The following SSBP2 variants were observed in gnomAD, a reference collection of about 807,000 sequenced individuals.
SSBP2 encodes single stranded DNA binding protein 2.
In SSBP2, 17 loss-of-function variants were observed where a neutral mutation model predicts 61.8. The observed-to-expected ratio is 0.28, with a 90% CI of 0.19 to 0.41. The LOEUF (loss-of-function observed/expected upper bound fraction) is 0.41, where lower values mean the gene tolerates loss of function less well. SSBP2 is among the 10% of genes least tolerant of loss of function. SSBP2 has a pLI of 1.00. For synonymous variants in SSBP2, 139 were observed against 141.3 expected (o/e 0.98, Z 0.12); for missense variants, 310 against 458.7 (o/e 0.68, Z 2.96).
At position 81,751,097 on chromosome 5, in the gene SSBP2, C is replaced by T. The variant is rs1251737200; in HGVS notation, c.-55G>A. The T allele has an allele frequency of 1.3e-6, 2 of 1,538,154 alleles. No homozygotes were observed. Among genetic ancestry groups the T allele is most frequent in the Non-Finnish European group, 1.8e-6 (2 of 1,134,990 alleles). On this transcript the variant is annotated 5_prime_UTR_variant, in exon 1 of 17. Transcript: ENST00000320672. The stretch of plus-strand genomic sequence containing the variant: ...CGCACCTGTCAACCCATCACAGCCT[C>T]CCCGGGAACAGCCCCGTCCCCATGG...
Position 81,585,557 on chromosome 5 carries a change from A to G in SSBP2, c.282+29916T>C, listed in dbSNP as rs537616794. On this transcript the variant is annotated intron_variant, in intron 4 of 16. Transcript: ENST00000320672. ...ATTGACAAAAATTGTGTGTGTGTAT[A>G]TATATATATATATGGTTTACAGCAT... Among the ~76,000 whole-genome samples the G allele has an allele frequency of 4.2e-3, 643 of 151,660 alleles. 3 individuals are homozygous for G. Among genetic ancestry groups the G allele is most frequent in the African/African-American group, 0.014 (597 of 41,444 alleles).
upstream of SSBP2, chr5:81,751,386 A>C: frequency 2.3e-6 from 1 of 442,302 alleles, no homozygotes; most frequent in Non-Finnish European, 4.2e-6. Flanking sequence ...GGGGAATTAG[A>C]AACTGCTCTA....
At chr5:81,659,246 T>C (rs772529910) in intron 1 of SSBP2, among the ~76,000 whole-genome samples, 21 of 152,216 alleles carry the variant, frequency 1.4e-4, no homozygotes, top group Non-Finnish European at 2.9e-4. Flanking sequence ...GTAGATGACA[T>C]GACTCTATAT....
intron 6 of SSBP2, 138 bp from the exon 7 acceptor site, chr5:81,474,700 C>T (rs1481473465): frequency 1.6e-6 from 1 of 624,592 alleles, no homozygotes; most frequent in African/African-American, 1.9e-5. Context: ...TTATATTTCA[C>T]ATTCATTTAT....
At chr5:81,422,663 T>C (rs1046382095) in intron 16 of SSBP2, among the ~76,000 whole-genome samples, 2 of 151,770 alleles carry the variant, frequency 1.3e-5, no homozygotes, top group Admixed American at 6.6e-5. Flanking sequence ...AGACAGGTCA[T>C]AGGAGAAAAA....
chr5:81,740,414 T>C (rs1561748253), intron 1 of SSBP2, among the ~76,000 whole-genome samples: 1 of 151,846 alleles, frequency 6.6e-6, no homozygotes, highest in South Asian at 2.1e-4. Flanking sequence ...AATCCAATTA[T>C]AAATGACAAA....
chr5:81,533,595 A>C (rs572625531), intron 4 of SSBP2, among the ~76,000 whole-genome samples: 1 of 152,192 alleles, frequency 6.6e-6, no homozygotes, highest in East Asian at 1.9e-4. Context: ...AAAAAGTAAA[A>C]AGCTGAACAA....
intron 1 of SSBP2, among the ~76,000 whole-genome samples, chr5:81,696,096 C>T (rs983692996): frequency 2.0e-5 from 3 of 152,122 alleles, no homozygotes; most frequent in Non-Finnish European, 2.9e-5. Context: ...CTCAAGGCCC[C>T]GGTTAGGCTG....
intron 8 of SSBP2, among the ~76,000 whole-genome samples, chr5:81,469,838 A>G (rs1423159530): frequency 6.6e-6 from 1 of 151,992 alleles, no homozygotes; most frequent in African/African-American, 2.4e-5. Context: ...GGAAGACCTA[A>G]TTTAGAATCA....
At chr5:81,492,749 A>G (rs1174105989) in intron 5 of SSBP2, among the ~76,000 whole-genome samples, 1 of 152,098 alleles carries the variant, frequency 6.6e-6, no homozygotes, top group Non-Finnish European at 1.5e-5. Flanking sequence ...TAGTTTCTGT[A>G]CCTCTATTAA....
intron 4 of SSBP2, among the ~76,000 whole-genome samples, chr5:81,569,443 A>T (rs1773681093): frequency 6.6e-6 from 1 of 152,198 alleles, no homozygotes; most frequent in South Asian, 2.1e-4. Flanking sequence ...TACACATAGT[A>T]TATGTATGTA....
At chr5:81,481,763 C>A (rs1766009026) in intron 6 of SSBP2, among the ~76,000 whole-genome samples, 1 of 151,194 alleles carries the variant, frequency 6.6e-6, no homozygotes, top group Non-Finnish European at 1.5e-5. Flanking sequence ...ACAACTGCAT[C>A]AGAGCTCTTG....
At chr5:81,611,346 G>C (rs1376607995) in intron 4 of SSBP2, among the ~76,000 whole-genome samples, 1 of 151,958 alleles carries the variant, frequency 6.6e-6, no homozygotes, top group African/African-American at 2.4e-5. Flanking sequence ...ACTTTTCCAA[G>C]TTGCCAAAAT....
chr5:81,695,909 C>T (rs1240441210), intron 1 of SSBP2, among the ~76,000 whole-genome samples: 3 of 151,974 alleles, frequency 2.0e-5, no homozygotes, highest in African/African-American at 7.2e-5. Flanking sequence ...TAATACTTAT[C>T]AGAAAATTTA....
Position 81,741,632 on chromosome 5 carries a change from T to C in SSBP2, c.62+9349A>G, listed in dbSNP as rs147202068. Among the ~76,000 whole-genome samples the C allele has an allele frequency of 2.3e-4, 35 of 152,238 alleles. 1 individual carries two copies. In the East Asian group the frequency reaches 6.8e-3, roughly 29 times the overall value. ...CCTCCCCCTAACCCAGCACTCCAAA[T>C]TGAAGCTAAATGGCAAAGGAATAGA... On this transcript the variant is annotated intron_variant, in intron 1 of 16. Transcript: ENST00000320672.
At position 81,456,269 on chromosome 5, in the gene SSBP2, T is replaced by C. The variant is rs973934032; in HGVS notation, c.687+4786A>G. ...GTGAGCGAATTAATGAGTATAATGC[T>C]ATACTGAACATTTTGTTGTTTATGC... On this transcript the variant is annotated intron_variant, in intron 10 of 16. Transcript: ENST00000320672. Among the ~76,000 whole-genome samples the C allele has an allele frequency of 3.3e-5, 5 of 152,188 alleles. No homozygotes were observed. In the South Asian group the frequency reaches 8.3e-4, roughly 25 times the overall value.
In SSBP2 at chr5:81,436,629, A is replaced by G. The variant is rs1055165191; in HGVS notation, c.957+801T>C. On this transcript the variant is annotated intron_variant, in intron 15 of 16. Coordinates refer to ENST00000320672, the MANE Select transcript of SSBP2 (RefSeq NM_012446.5). ...AATATAAATTAGAAATAGAATTTCA[A>G]AAAGTCATCCCTTAATGAATTTCTC... is the stretch of plus-strand genomic sequence containing the variant. Among the ~76,000 whole-genome samples, 6 of 152,282 alleles carry G rather than the reference A, an allele frequency of 3.9e-5. No homozygotes were observed. In the South Asian group the frequency reaches 1.2e-3, roughly 32 times the overall value.
chr5:81,655,899 A>G (rs1205436618), intron 1 of SSBP2, among the ~76,000 whole-genome samples: 1 of 152,168 alleles, frequency 6.6e-6, no homozygotes, highest in African/African-American at 2.4e-5. Context: ...TGAATTCAAT[A>G]TCTATAGTAA....
chr5:81,500,601 C>T (rs983867665), intron 5 of SSBP2, among the ~76,000 whole-genome samples: 1 of 152,078 alleles, frequency 6.6e-6, no homozygotes, highest in Non-Finnish European at 1.5e-5. Flanking sequence ...GCTGGGATTA[C>T]AGGTGCGTGC....
Sources: allele counts gnomAD v4.1 joint callset (sites outside exome capture counted in the v4.1 genomes callset), GRCh38; gene constraint gnomAD v4.1.1; transcripts MANE v1.5; gene names NCBI Gene and HGNC (gene_info 2026-07-23, HGNC 2026-07-21).